Variants in RABGAP1L observed in about 807,000 individuals in gnomAD.
RABGAP1L encodes RAB GTPase activating protein 1 like, also known as rab GTPase-activating protein 1-like.
In RABGAP1L, 63 loss-of-function variants were observed where a neutral mutation model predicts 137.7. That is an observed-to-expected ratio of 0.46 (90% CI 0.37 to 0.56). The LOEUF is 0.56. RABGAP1L is among the 20% of genes least tolerant of loss of function. The pLI is 0.00. For synonymous variants in RABGAP1L, 431 were observed against 433.7 expected (o/e 0.99, Z 0.08); for missense variants, 1,095 against 1,244.0 (o/e 0.88, Z 1.80).
intron 13 of RABGAP1L, among the ~76,000 whole-genome samples, chr1:174,633,881 A>T (rs1456184356): frequency 9.8e-6 from 1 of 101,904 alleles, no homozygotes; most frequent in African/African-American, 5.9e-5. Context: ...ACAAAAATCA[A>T]TTCAAGATGG....
chr1:174,646,354 T>G (rs1674967618), intron 14 of RABGAP1L, among the ~76,000 whole-genome samples: 1 of 152,210 alleles, frequency 6.6e-6, no homozygotes, highest in African/African-American at 2.4e-5. Flanking sequence ...GGTCTTATGT[T>G]TAAGTCTTTA....
intron 19 of RABGAP1L, among the ~76,000 whole-genome samples, chr1:174,951,570 G>T (rs1377258747): frequency 6.6e-6 from 1 of 152,104 alleles, no homozygotes; most frequent in East Asian, 1.9e-4. Context: ...TTGCACACTG[G>T]TCCAGGCCTC....
chr1:174,724,772 T>C (rs1681853471), intron 17 of RABGAP1L, among the ~76,000 whole-genome samples: 1 of 152,202 alleles, frequency 6.6e-6, no homozygotes, highest in Admixed American at 6.5e-5. Context: ...TAATAAATGT[T>C]ATGAAGGGAA....
intron 1 of RABGAP1L, among the ~76,000 whole-genome samples, chr1:174,177,285 A>G (rs975617768): frequency 1.3e-5 from 2 of 152,120 alleles, no homozygotes; most frequent in African/African-American, 2.4e-5. Flanking sequence ...TCTTCTTTTG[A>G]GAAGTGTCTG....
At chr1:174,815,078 G>T (rs1438295485) in intron 19 of RABGAP1L, among the ~76,000 whole-genome samples, 1 of 152,100 alleles carries the variant, frequency 6.6e-6, no homozygotes, top group African/African-American at 2.4e-5. Context: ...CCACTAAATC[G>T]ATTTTACAAT....
chr1:174,369,037 A>G (rs1283505604), intron 11 of RABGAP1L, among the ~76,000 whole-genome samples: 1 of 152,136 alleles, frequency 6.6e-6, no homozygotes, highest in Non-Finnish European at 1.5e-5. Flanking sequence ...ATTATTAGTT[A>G]CTGTGGATCA....
intron 13 of RABGAP1L, among the ~76,000 whole-genome samples, chr1:174,507,867 A>G (rs1661975026): frequency 6.6e-6 from 1 of 152,086 alleles, no homozygotes; most frequent in Non-Finnish European, 1.5e-5. Flanking sequence ...ATCTTTTCAT[A>G]TAATGCAAGA....
At chr1:174,296,855 C>G (rs1571964442) in intron 10 of RABGAP1L, among the ~76,000 whole-genome samples, 1 of 152,268 alleles carries the variant, frequency 6.6e-6, no homozygotes. Flanking sequence ...AAATAAATGT[C>G]ATGCATCTTT....
intron 17 of RABGAP1L, among the ~76,000 whole-genome samples, chr1:174,703,175 A>G (rs888770557): frequency 2.6e-5 from 4 of 152,164 alleles, no homozygotes; most frequent in African/African-American, 9.7e-5. Flanking sequence ...ACGTGGATAT[A>G]TTGTGTAGTG....
intron 13 of RABGAP1L, among the ~76,000 whole-genome samples, chr1:174,522,434 T>C (rs1269321944): frequency 6.6e-6 from 1 of 151,704 alleles, no homozygotes; most frequent in Non-Finnish European, 1.5e-5. Flanking sequence ...CTGGGCATGG[T>C]GGCATGTGCC....
chr1:174,468,795 C>G (rs1444966023), intron 13 of RABGAP1L, among the ~76,000 whole-genome samples: 1 of 152,158 alleles, frequency 6.6e-6, no homozygotes, highest in Non-Finnish European at 1.5e-5. Flanking sequence ...GACTTTGTCA[C>G]TTTCCCCACT....
At chr1:174,790,234 CAAA>C (rs1220949592) in intron 18 of RABGAP1L, among the ~76,000 whole-genome samples, 1 of 150,906 alleles carries the variant, frequency 6.6e-6, no homozygotes, top group Non-Finnish European at 1.5e-5. Context: ...GAATACGTAA[CAAA>C]GAAGTAAGAA....
chr1:174,814,376 C>G (rs1371040056), intron 19 of RABGAP1L, among the ~76,000 whole-genome samples: 1 of 151,620 alleles, frequency 6.6e-6, no homozygotes, highest in Non-Finnish European at 1.5e-5. Flanking sequence ...ATGCCTTTTT[C>G]TTGGATATTT....
intron 10 of RABGAP1L, among the ~76,000 whole-genome samples, chr1:174,295,571 A>C (rs1677054165): frequency 6.6e-6 from 1 of 151,654 alleles, no homozygotes; most frequent in Non-Finnish European, 1.5e-5. Flanking sequence ...TTTTTAGTAG[A>C]GACGGGGTTT....
intron 1 of RABGAP1L, among the ~76,000 whole-genome samples, chr1:174,180,381 G>A (rs937464187): frequency 2.6e-5 from 4 of 152,202 alleles, no homozygotes; most frequent in African/African-American, 7.2e-5. Context: ...TACAATGATA[G>A]TGATGCATGT....
intron 13 of RABGAP1L, among the ~76,000 whole-genome samples, chr1:174,578,096 G>T (rs534659962): frequency 2.0e-5 from 3 of 152,120 alleles, no homozygotes; most frequent in African/African-American, 7.2e-5. Flanking sequence ...TTAAAAAGTA[G>T]TGCATATGTG....
chr1:174,255,911 G>A (rs72713505), intron 7 of RABGAP1L, among the ~76,000 whole-genome samples: 34,930 of 152,062 alleles, frequency 0.23, 4,480 homozygotes, highest in Non-Finnish European at 0.27. Context: ...TAAATACATC[G>A]TGGCCCTTTC....
Position 174,636,998 on chromosome 1 carries a change from C to T in RABGAP1L, c.1711-377C>T, listed in dbSNP as rs145432045. 1.7e-3 allele frequency among the ~76,000 whole-genome samples: 255 copies of T among 152,150 alleles called. 1 individual carries two copies. Among genetic ancestry groups the T allele is most frequent in the Non-Finnish European group, 1.8e-3 (121 of 67,998 alleles). ...GATATACCTTATTTTTAAAAAGTAA[C>T]CACTCCTACAGAGAATAAACTATAT... On this transcript the variant is annotated intron_variant, in intron 13 of 25. Transcript: ENST00000681986.
intron 19 of RABGAP1L, chr1:174,897,217 C>T (rs1303507246): frequency 2.0e-5 from 3 of 152,138 alleles, no homozygotes; most frequent in Non-Finnish European, 2.9e-5. Flanking sequence ...TGGGAGTTCA[C>T]TCATGATTTG....
Sources: gnomAD v4.1 joint callset for allele counts (sites outside exome capture counted in the v4.1 genomes callset) on GRCh38, gnomAD v4.1.1 for gene constraint, MANE v1.5 for transcripts, NCBI Gene and HGNC (gene_info 2026-07-23, HGNC 2026-07-21) for gene names.